Variants in ELMOD1 observed in about 807,000 individuals in gnomAD.
The protein encoded by ELMOD1 is ELMO domain-containing protein 1.
A neutral mutation model predicts 46.7 loss-of-function variants in ELMOD1; 21 were observed. That is an observed-to-expected ratio of 0.45 (90% CI 0.32 to 0.65). The LOEUF (loss-of-function observed/expected upper bound fraction) is 0.65. ELMOD1 is among the 30% of genes least tolerant of loss of function. The probability of loss-of-function intolerance (pLI) is 0.04; values close to 1 mark genes in which losing one functional copy is unlikely to be tolerated. For synonymous variants in ELMOD1, 122 were observed against 138.2 expected (o/e 0.88, Z 0.82); for missense variants, 348 against 407.8 (o/e 0.85, Z 1.26).
intron 9 of ELMOD1, 77 bp from the exon 10 acceptor site, chr11:107,654,095 A>G (rs892135778): frequency 3.6e-5 from 44 of 1,233,014 alleles, no homozygotes; most frequent in Non-Finnish European, 4.5e-5. Context: ...TAACAGTTTT[A>G]ACATAAGCAT....
At chr11:107,602,613 T>G (rs1268119689) in intron 1 of ELMOD1, among the ~76,000 whole-genome samples, 2 of 152,142 alleles carry the variant, frequency 1.3e-5, no homozygotes, top group African/African-American at 4.8e-5. Flanking sequence ...AAGTTCCCTT[T>G]TATTGATTCC....
At chr11:107,644,769 C>G (rs1209468629) in intron 6 of ELMOD1, among the ~76,000 whole-genome samples, 4 of 152,132 alleles carry the variant, frequency 2.6e-5, no homozygotes, top group African/African-American at 7.2e-5. Flanking sequence ...CCACCGCACC[C>G]AGCCAAAACA....
intron 9 of ELMOD1, chr11:107,653,945 G>A (rs1274132374): frequency 5.9e-6 from 3 of 510,664 alleles, no homozygotes; most frequent in Non-Finnish European, 1.1e-5. Context: ...GGCCTTTAGG[G>A]CTGTCTCCCA....
At chr11:107,647,066 A>G (rs776991339) in intron 6 of ELMOD1, among the ~76,000 whole-genome samples, 6 of 152,064 alleles carry the variant, frequency 3.9e-5, no homozygotes, top group Non-Finnish European at 5.9e-5. Context: ...TACTCAATCC[A>G]TTGCCTTCAG....
intron 1 of ELMOD1, among the ~76,000 whole-genome samples, chr11:107,606,273 A>G (rs1240403352): frequency 6.6e-6 from 1 of 152,198 alleles, no homozygotes; most frequent in African/African-American, 2.4e-5. Context: ...TACTTGGCCC[A>G]TCTGATTTCA....
At chr11:107,664,632 A>C (rs1360139065) in intron 11 of ELMOD1, among the ~76,000 whole-genome samples, 1 of 152,198 alleles carries the variant, frequency 6.6e-6, no homozygotes, top group Non-Finnish European at 1.5e-5. Flanking sequence ...TATCAAGAGA[A>C]TAAAGTCCGA....
chr11:107,644,322 T>C (rs1866379647), intron 6 of ELMOD1, among the ~76,000 whole-genome samples: 1 of 151,908 alleles, frequency 6.6e-6, no homozygotes, highest in East Asian at 1.9e-4. Context: ...AAGCATTTTA[T>C]TATTCAAATG....
chr11:107,597,542 A>G (rs1056804697), intron 1 of ELMOD1, among the ~76,000 whole-genome samples: 3 of 152,146 alleles, frequency 2.0e-5, no homozygotes, highest in African/African-American at 4.8e-5. Flanking sequence ...ATTGGGTAGG[A>G]TGTTGATTCT....
chr11:107,656,608 T>G (rs1036558223), intron 11 of ELMOD1, among the ~76,000 whole-genome samples: 4 of 151,908 alleles, frequency 2.6e-5, no homozygotes, highest in Non-Finnish European at 5.9e-5. Context: ...TGGTTCTGAT[T>G]TTTTTGTTTT....
intron 1 of ELMOD1, among the ~76,000 whole-genome samples, chr11:107,610,716 A>G (rs1333742806): frequency 6.6e-6 from 1 of 151,980 alleles, no homozygotes; most frequent in Non-Finnish European, 1.5e-5. Context: ...TGAAACAGGT[A>G]TAAACCAGGC....
At chr11:107,621,684 A>G (rs1390807867) in intron 2 of ELMOD1, among the ~76,000 whole-genome samples, 1 of 152,236 alleles carries the variant, frequency 6.6e-6, no homozygotes, top group Admixed American at 6.5e-5. Flanking sequence ...TTTGTGTCAC[A>G]TTACCCCATT....
Position 107,650,355 on chromosome 11 carries a change from C to G in ELMOD1, c.575C>G (p.Ala192Gly). Residue 192 changes from alanine to glycine, a missense_variant, in exon 8 of 12, where the codon GCC (alanine) becomes GGC (glycine). By Grantham distance (60) the Ala-to-Gly change is moderately conservative (BLOSUM62 0). Coordinates refer to ENST00000265840, the MANE Select transcript of ELMOD1 (RefSeq NM_018712.4). ...TGCAGGTATTTCGCGGAAAGGGATG[C>G]CACAGCAGCTCAGCAGGTCCTGTCT... ...YNLQYFAERD[A>G]TAAQQVLSDS... 6.3e-7 allele frequency: 1 copy of G among 1,590,988 alleles called. No individual in the cohort carries two copies. Among genetic ancestry groups the G allele is most frequent in the Non-Finnish European group, 8.6e-7 (1 of 1,167,730 alleles).
intron 1 of ELMOD1, among the ~76,000 whole-genome samples, chr11:107,611,566 G>T (rs541569094): frequency 1.3e-5 from 2 of 151,876 alleles, no homozygotes; most frequent in South Asian, 4.2e-4. Context: ...TTAGCCGGTC[G>T]TGGTGGCAGG....
At chr11:107,654,456 G>T (rs543210710) in intron 10 of ELMOD1, among the ~76,000 whole-genome samples, 1 of 152,316 alleles carries the variant, frequency 6.6e-6, no homozygotes, top group South Asian at 2.1e-4. Flanking sequence ...ATAAGGAAAT[G>T]ATTTTCAGAA....
At chr11:107,650,526 C>A in intron 8 of ELMOD1, 123 bp downstream of exon 8, 3 of 754,182 alleles carry the variant, frequency 4.0e-6, no homozygotes, top group African/African-American at 1.7e-5. Flanking sequence ...TTCAAACAAG[C>A]CCTTGTAATA....
At chr11:107,599,755 A>AGAAAAAAAG (rs1555058611) in intron 1 of ELMOD1, among the ~76,000 whole-genome samples, 1 of 138,824 alleles carries the variant, frequency 7.2e-6, no homozygotes. Context: ...AAAAAAAGAA[A>AGAAAAAAAG]AAAAGAAAAG....
rs773594159 is a variant in ELMOD1, at chr11:107,656,009, C to A, written c.775C>A (p.His259Asn). 2 of 1,575,036 alleles carry A rather than the reference C, an allele frequency of 1.3e-6. No homozygotes were observed. Among genetic ancestry groups the A allele is most frequent in the South Asian group, 2.3e-5 (2 of 86,332 alleles). Residue 259 changes from histidine to asparagine, a missense_variant, in exon 11 of 12, where the codon CAT becomes AAT. His to Asn is a moderately conservative substitution (Grantham distance 68, BLOSUM62 1). Coordinates refer to ENST00000265840, the MANE Select transcript of ELMOD1 (RefSeq NM_018712.4). ...ACTGGTCAGCGGAGCTCTAAAAACCCATTTCTACAATATCGCCCCAGAAGC... is the reference window on the plus strand; with the variant it reads ...ACTGGTCAGCGGAGCTCTAAAAACCAATTTCTACAATATCGCCCCAGAAGC... ...NLLVSGALKT[H>N]FYNIAPEAPT...
intron 1 of ELMOD1, among the ~76,000 whole-genome samples, chr11:107,606,622 G>A (rs955911100): frequency 4.6e-5 from 7 of 152,160 alleles, no homozygotes; most frequent in African/African-American, 1.7e-4. Context: ...ATCGCTTGAG[G>A]TCAGGAGTTC....
intron 5 of ELMOD1, 79 bp downstream of exon 5, chr11:107,631,756 CTT>C: frequency 1.5e-6 from 1 of 659,480 alleles, no homozygotes; most frequent in Non-Finnish European, 2.4e-6. Flanking sequence ...TGTCTCCTCT[CTT>C]TTTTTTTCTC....
Sources: allele counts gnomAD v4.1 joint callset (sites outside exome capture counted in the v4.1 genomes callset), GRCh38; gene constraint gnomAD v4.1.1; transcripts MANE v1.5; gene names NCBI Gene and HGNC (gene_info 2026-07-23, HGNC 2026-07-21).